RAD54L2: variants seen among roughly 807,000 people sequenced by gnomAD.
The protein encoded by RAD54L2 is helicase ARIP4.
RAD54L2 carries 27 observed loss-of-function variants against 138.4 expected under a neutral mutation model. That is an observed-to-expected ratio of 0.20 (90% CI 0.14 to 0.27). The LOEUF (loss-of-function observed/expected upper bound fraction) is 0.27. RAD54L2 is among the 10% of genes least tolerant of loss of function. The probability of loss-of-function intolerance (pLI) is 1.00; values close to 1 mark genes in which losing one functional copy is unlikely to be tolerated. For synonymous variants in RAD54L2, 644 were observed against 723.2 expected (o/e 0.89, Z 1.76); for missense variants, 1,396 against 1,890.2 (o/e 0.74, Z 4.85).
At chr3:51,571,001 A>G (rs2106663031) in intron 2 of RAD54L2, among the ~76,000 whole-genome samples, 1 of 151,942 alleles carries the variant, frequency 6.6e-6, no homozygotes, top group African/African-American at 2.4e-5. Context: ...TTTGTATTTT[A>G]GTAAAGACGG....
chr3:51,575,455 A>G (rs1328815968), intron 2 of RAD54L2, among the ~76,000 whole-genome samples: 2 of 152,124 alleles, frequency 1.3e-5, no homozygotes, highest in Admixed American at 1.3e-4. Context: ...GGCCATTTTT[A>G]CGATATGATT....
rs146468849 is a variant in RAD54L2, at chr3:51,581,341, A to G, written c.-54-9026A>G. ...TCGAACTCCTGGCCTCAAGTGATCC[A>G]CCCACCTCGGCCTCCCAAAGTGCAG... is the stretch of plus-strand genomic sequence containing the variant. On this transcript the variant is annotated intron_variant, in intron 2 of 22. Transcript: ENST00000684192. Among the ~76,000 whole-genome samples the G allele has an allele frequency of 2.7e-3, 416 of 152,190 alleles. 5 individuals are homozygous for G. Among genetic ancestry groups the G allele is most frequent in the African/African-American group, 9.0e-3 (375 of 41,526 alleles).
rs577154876 is a variant in RAD54L2 at position 51,627,720 on chromosome 3, G to A, written c.307G>A (p.Ala103Thr). Residue 103 changes from alanine (A) to threonine (T), a missense_variant, in exon 4 of 23, where the codon GCT (alanine) becomes ACT (threonine). Physicochemically the swap from Ala to Thr is moderately conservative, Grantham distance 58. Around this residue, in one of 7 missense-constraint regions of RAD54L2, gnomAD observed 256 missense variants for 344.6 expected, o/e 0.74. Coordinates refer to ENST00000684192, the MANE Select transcript of RAD54L2 (RefSeq NM_015106.4). ...LASEDPKKKR[A>T]QKPSHMRRNI... ...CTCCGAGGACCCCAAAAAGAAGAGAGCTCAGAAGCCCTCCCACATGAGAAG... is the reference window on the plus strand; with the variant it reads ...CTCCGAGGACCCCAAAAAGAAGAGAACTCAGAAGCCCTCCCACATGAGAAG... 4 of 1,613,902 alleles carry A rather than the reference G, an allele frequency of 2.5e-6. No individual in the cohort carries two copies. In the East Asian group the frequency reaches 6.7e-5, roughly 27 times the overall value.
chr3:51,602,887 T>A (rs1407793413), intron 3 of RAD54L2, among the ~76,000 whole-genome samples: 1 of 152,138 alleles, frequency 6.6e-6, no homozygotes, highest in Non-Finnish European at 1.5e-5. Flanking sequence ...TGGTGCTTCC[T>A]TTTTAGAGAC....
chr3:51,605,666 G>A (rs1457177706), intron 3 of RAD54L2, among the ~76,000 whole-genome samples: 1 of 152,046 alleles, frequency 6.6e-6, no homozygotes, highest in Non-Finnish European at 1.5e-5. Flanking sequence ...TTGCTAGGCT[G>A]GTCTCGAACT....
At chr3:51,545,931 CTTTTTTTT>C (rs781819728) in intron 2 of RAD54L2, among the ~76,000 whole-genome samples, 36 of 79,468 alleles carry the variant, frequency 4.5e-4, no homozygotes, top group African/African-American at 1.5e-3. Flanking sequence ...TACATCAATT[CTTTTTTTT>C]TTTTTTTTTT....
chr3:51,571,388 C>CTTTT (rs568383202), intron 2 of RAD54L2, among the ~76,000 whole-genome samples: 1 of 115,818 alleles, frequency 8.6e-6, no homozygotes, highest in Non-Finnish European at 1.9e-5. Context: ...GGAATACCTG[C>CTTTT]TTTTTTTTTT....
intron 3 of RAD54L2, among the ~76,000 whole-genome samples, chr3:51,611,227 A>G (rs150262869): frequency 6.6e-6 from 1 of 151,018 alleles, no homozygotes; most frequent in East Asian, 2.0e-4. Flanking sequence ...AAGGGTTCAG[A>G]TGGGTTAACA....
At chr3:51,575,764 T>C (rs2106675490) in intron 2 of RAD54L2, among the ~76,000 whole-genome samples, 1 of 152,324 alleles carries the variant, frequency 6.6e-6, no homozygotes, top group East Asian at 1.9e-4. Flanking sequence ...CAATGGGGTT[T>C]TCTAAGTATA....
intron 2 of RAD54L2, among the ~76,000 whole-genome samples, chr3:51,556,047 T>C (rs1407096332): frequency 1.3e-5 from 2 of 152,212 alleles, no homozygotes; most frequent in African/African-American, 4.8e-5. Context: ...CTGTTTCTTC[T>C]GTAACCTTGA....
chr3:51,657,568 T>C lies in RAD54L2; in HGVS notation c.3227-12T>C. ...CCGTGCAATCTAAATTTAAGATCTGTGTTTTTCCTAGATATTGTTATTCCT... is the reference window on the plus strand; with the variant it reads ...CCGTGCAATCTAAATTTAAGATCTGCGTTTTTCCTAGATATTGTTATTCCT... On this transcript the variant is annotated splice_polypyrimidine_tract_variant and intron_variant, in intron 20 of 22. Transcript: ENST00000684192. 2.0e-6 allele frequency: 3 copies of C among 1,526,286 alleles called. No homozygotes were observed. The South Asian group carries it at 3.6e-5, about 18-fold the overall frequency. The allele number at this position is 1,526,286 out of a possible 1,614,324, so 94.5% of individuals were successfully genotyped here. A position where few individuals can be genotyped will look rare whatever the true frequency, so the allele number is the denominator to read the frequency against.
chr3:51,587,741 G>A (rs1202853810), intron 2 of RAD54L2, among the ~76,000 whole-genome samples: 2 of 152,002 alleles, frequency 1.3e-5, no homozygotes, highest in East Asian at 3.8e-4. Context: ...TTCTGTTCAG[G>A]AGAAGATAGA....
chr3:51,575,258 G>A (rs1302615707), intron 2 of RAD54L2, among the ~76,000 whole-genome samples: 1 of 152,166 alleles, frequency 6.6e-6, no homozygotes, highest in African/African-American at 2.4e-5. Context: ...TAGCCTTGTA[G>A]TATAGTTTGA....
rs1390825818 is a variant in RAD54L2, at chr3:51,663,968, T to A, written c.*548T>A. On this transcript the variant is annotated 3_prime_UTR_variant, in exon 23 of 23. Coordinates refer to ENST00000684192, the MANE Select transcript of RAD54L2 (RefSeq NM_015106.4). ...TGTTTGTGAGTGTGTGTGTGTATGT[T>A]TATTTTGTATGTGTATGTATGGAAC... 6.4e-6 allele frequency: 1 copy of A among 156,118 alleles called. No individual in the cohort carries two copies. Among genetic ancestry groups the A allele is most frequent in the African/African-American group, 2.4e-5 (1 of 41,274 alleles). 9.7% of individuals were successfully genotyped at this position (156,118 alleles called of 1,614,324 possible). A position where few individuals can be genotyped will look rare whatever the true frequency, so the allele number is the denominator to read the frequency against.
At chr3:51,605,544 C>G (rs1349675920) in intron 3 of RAD54L2, among the ~76,000 whole-genome samples, 1 of 150,550 alleles carries the variant, frequency 6.6e-6, no homozygotes, top group African/African-American at 2.5e-5. Flanking sequence ...CCTCCACCTC[C>G]CAGGTTGCAG....
chr3:51,615,473 C>T (rs1700425684), intron 3 of RAD54L2, among the ~76,000 whole-genome samples: 1 of 152,016 alleles, frequency 6.6e-6, no homozygotes, highest in Non-Finnish European at 1.5e-5. Flanking sequence ...ATTTTTTATT[C>T]ATACATATTT....
At chr3:51,615,740 A>G (rs995769659) in intron 3 of RAD54L2, among the ~76,000 whole-genome samples, 3 of 152,176 alleles carry the variant, frequency 2.0e-5, no homozygotes, top group Admixed American at 6.6e-5. Flanking sequence ...GGAAGGGCCT[A>G]TTTCAGCTAG....
intron 2 of RAD54L2, among the ~76,000 whole-genome samples, chr3:51,587,623 C>T (rs1699737831): frequency 6.6e-6 from 1 of 152,004 alleles, no homozygotes; most frequent in African/African-American, 2.4e-5. Flanking sequence ...GTACATGAAC[C>T]ATCTGCACAC....
At chr3:51,595,328 G>A (rs1385774743) in intron 3 of RAD54L2, among the ~76,000 whole-genome samples, 2 of 152,118 alleles carry the variant, frequency 1.3e-5, no homozygotes, top group Admixed American at 6.6e-5. Context: ...TGTGTCAGTC[G>A]ATCACACAAG....
Sources: allele counts gnomAD v4.1 joint callset (sites outside exome capture counted in the v4.1 genomes callset), GRCh38; gene constraint gnomAD v4.1.1; regional missense constraint gnomAD v4.1.1; transcripts MANE v1.5; gene names NCBI Gene and HGNC (gene_info 2026-07-23, HGNC 2026-07-21).